The following INSR variants were observed in gnomAD, a reference collection of about 807,000 sequenced individuals.
INSR encodes IR.
Under a neutral mutation model 142.6 loss-of-function variants are expected in INSR, and 67 were observed. The observed-to-expected ratio is 0.47, with a 90% confidence interval of 0.39 to 0.58. The LOEUF (loss-of-function observed/expected upper bound fraction) is 0.58, where lower values mean the gene tolerates loss of function less well. Among genes scored for constraint, INSR ranks in the 20% least tolerant of loss-of-function variants. INSR has a pLI of 0.00. For synonymous variants in INSR, 756 were observed against 743.1 expected (o/e 1.02, Z -0.28); for missense variants, 1,248 against 1,833.2 (o/e 0.68, Z 5.83).
chr19:7,253,664 G>A (rs1976802672), intron 2 of INSR, among the ~76,000 whole-genome samples: 1 of 152,182 alleles, frequency 6.6e-6, no homozygotes, highest in Non-Finnish European at 1.5e-5. Flanking sequence ...AGGTAACCAG[G>A]GAGCAGAGGA....
chr19:7,226,887 G>A (rs1975805018), intron 2 of INSR, among the ~76,000 whole-genome samples: 1 of 152,204 alleles, frequency 6.6e-6, no homozygotes, highest in Non-Finnish European at 1.5e-5. Context: ...TCCTCCTCCT[G>A]CCAATTTTGC....
chr19:7,187,248 T>G (rs1057085833), intron 2 of INSR, among the ~76,000 whole-genome samples: 5 of 150,202 alleles, frequency 3.3e-5, no homozygotes, highest in Non-Finnish European at 7.4e-5. Flanking sequence ...CCCCGCTAAT[T>G]TTTTTGTATT....
At chr19:7,183,327 C>T (rs1974324608) in intron 3 of INSR, among the ~76,000 whole-genome samples, 1 of 150,298 alleles carries the variant, frequency 6.7e-6, no homozygotes, top group South Asian at 2.1e-4. Flanking sequence ...AACCTCAATA[C>T]AAAAACCAGG....
In INSR at chr19:7,172,429, G is replaced by T; in HGVS notation, c.1129C>A (p.Leu377Met). 1 of 1,613,968 alleles carries T rather than the reference G, an allele frequency of 6.2e-7. No homozygotes were observed. The highest frequency in any genetic ancestry group is 8.5e-7 in the Non-Finnish European group (1 of 1,179,938). The part of the protein sequence containing the change: ...LIINIRGGNN[L>M]AAELEANLGL... ...AGGTTGGCTTCTAGCTCAGCTGCCA[G>T]ATTGTCTAAGGAAAGGAGAGAATAT... Residue 377 changes from leucine to methionine, a missense_variant, in exon 5 of 22, where the codon CTG becomes ATG. Physicochemically the swap from Leu to Met is conservative, Grantham distance 15. This residue lies in a region of INSR where 1,069 missense variants were observed against 1,654.0 expected (regional missense o/e 0.65). Coordinates refer to ENST00000302850, the MANE Select transcript of INSR (RefSeq NM_000208.4).
intron 2 of INSR, among the ~76,000 whole-genome samples, chr19:7,238,888 C>T (rs1019521608): frequency 2.2e-5 from 3 of 136,510 alleles, no homozygotes; most frequent in Non-Finnish European, 4.6e-5. Context: ...TTTGTAGACC[C>T]GTGTTTTTCC....
At chr19:7,243,234 GTTTTTTTTTTTTTTTT>G (rs1161289283) in intron 2 of INSR, among the ~76,000 whole-genome samples, 1 of 68,178 alleles carries the variant, frequency 1.5e-5, no homozygotes, top group Non-Finnish European at 2.5e-5. Context: ...CACTGTTTTG[GTTTTTTTTTTTTTTTT>G]TTTTTTTTTT....
At chr19:7,174,853 G>T in intron 3 of INSR, 122 bp from the exon 4 acceptor site, 1 of 1,019,014 alleles carries the variant, frequency 9.8e-7, no homozygotes, top group Non-Finnish European at 1.4e-6. Flanking sequence ...GTGTGTGTGT[G>T]TGTTTGTGTG....
At chr19:7,196,189 C>T (rs1273517809) in intron 2 of INSR, among the ~76,000 whole-genome samples, 1 of 152,180 alleles carries the variant, frequency 6.6e-6, no homozygotes, top group Non-Finnish European at 1.5e-5. Context: ...CCCGCCTCAG[C>T]TTCCCAAAGT....
intron 13 of INSR, among the ~76,000 whole-genome samples, chr19:7,139,876 T>A (rs1357921443): frequency 7.3e-6 from 1 of 137,084 alleles, no homozygotes; most frequent in Non-Finnish European, 1.5e-5. Context: ...CAGGCTGGAG[T>A]GCAGTGGCAC....
chr19:7,211,809 G>A (rs1474231854), intron 2 of INSR, among the ~76,000 whole-genome samples: 1 of 152,164 alleles, frequency 6.6e-6, no homozygotes. Context: ...AAGAGGGAAC[G>A]AAAACACTTC....
intron 2 of INSR, among the ~76,000 whole-genome samples, chr19:7,223,931 T>C: frequency 6.7e-6 from 1 of 148,616 alleles, no homozygotes; most frequent in African/African-American, 2.5e-5. Context: ...GCCACCAGAA[T>C]AGACTGGAAC....
chr19:7,267,419 T>C lies in INSR; in HGVS notation c.578A>G (p.Lys193Arg), dbSNP rs1365559678. The C allele has an allele frequency of 2.8e-5, 46 of 1,614,062 alleles. No homozygotes were observed. Among genetic ancestry groups the C allele is most frequent in the African/African-American group, 4.0e-5 (3 of 74,922 alleles). Residue 193 changes from lysine to arginine, a missense_variant, in exon 2 of 22, where the codon AAG becomes AGG. Around this residue, in one of 3 missense-constraint regions of INSR, gnomAD observed 1,069 missense variants for 1,654.0 expected, o/e 0.65. Transcript: ENST00000302850. This position sits in a 1 kb window ranked among gnomAD's most constrained non-coding sequence, Gnocchi z 6.3. ...GATGACGGTGGCGGGGCAGTTGGTC[T>C]TGCCCTTCGCGGTACCCGGACAGAT... is the stretch of plus-strand genomic sequence containing the variant. ...GDICPGTAKG[K>R]TNCPATVING... is the part of the protein sequence containing the mutation.
At chr19:7,118,914 C>CAAAAAA (rs59739401) in intron 21 of INSR, among the ~76,000 whole-genome samples, 2 of 68,894 alleles carry the variant, frequency 2.9e-5, no homozygotes, top group East Asian at 4.1e-4. Flanking sequence ...GATTCCGTCT[C>CAAAAAA]AAAAAAAAAA....
chr19:7,209,790 C>T (rs1484489996), intron 2 of INSR, among the ~76,000 whole-genome samples: 1 of 152,076 alleles, frequency 6.6e-6, no homozygotes, highest in Non-Finnish European at 1.5e-5. Context: ...GGTTGAAATA[C>T]AGAACATTTG....
intron 1 of INSR, among the ~76,000 whole-genome samples, chr19:7,288,661 A>G (rs944778539): frequency 1.9e-5 from 2 of 107,390 alleles, no homozygotes; most frequent in African/African-American, 2.4e-4. Context: ...AAAATTGGAA[A>G]AAAAAAAAAA....
At chr19:7,257,297 T>C (rs1470066289) in intron 2 of INSR, among the ~76,000 whole-genome samples, 1 of 152,086 alleles carries the variant, frequency 6.6e-6, no homozygotes, top group African/African-American at 2.4e-5. Flanking sequence ...GGCGTTACAC[T>C]TTCCTGTCTT....
At chr19:7,229,156 G>T in intron 2 of INSR, among the ~76,000 whole-genome samples, 1 of 150,026 alleles carries the variant, frequency 6.7e-6, no homozygotes, top group Non-Finnish European at 1.5e-5. Context: ...ATGAATGGAT[G>T]GGTGAGTGGA....
At chr19:7,286,839 A>G (rs368171408) in intron 1 of INSR, among the ~76,000 whole-genome samples, 16 of 151,430 alleles carry the variant, frequency 1.1e-4, no homozygotes, top group Middle Eastern at 6.8e-3. Flanking sequence ...AGGCCACCCC[A>G]AGAAGTATTC....
intron 2 of INSR, among the ~76,000 whole-genome samples, chr19:7,206,899 G>A (rs931178812): frequency 1.6e-4 from 24 of 152,104 alleles, no homozygotes; most frequent in African/African-American, 4.8e-4. Flanking sequence ...AAACTGCTTG[G>A]AAGTTTCTAG....
Sources: gnomAD v4.1 joint callset for allele counts (sites outside exome capture counted in the v4.1 genomes callset) on GRCh38, gnomAD v4.1.1 for gene constraint, gnomAD v4.1.1 regional missense constraint, Gnocchi (gnomAD v3.1) non-coding constraint, MANE v1.5 for transcripts, NCBI Gene and HGNC (gene_info 2026-07-23, HGNC 2026-07-21) for gene names.